The following DDX4 variants were observed in gnomAD, a reference collection of about 807,000 sequenced individuals.
The protein encoded by DDX4 is DEAD-box helicase 4, also known as probable ATP-dependent RNA helicase DDX4.
Under a neutral mutation model 100.0 loss-of-function variants are expected in DDX4, and 25 were observed. The ratio of observed to expected loss-of-function variants is 0.25; its 90% CI spans 0.18 to 0.35. The LOEUF (loss-of-function observed/expected upper bound fraction) is 0.35, where lower values mean the gene tolerates loss of function less well. Ranked by LOEUF, DDX4 falls within the 10% of genes least tolerant of loss-of-function variation. The pLI, the probability that DDX4 is intolerant of heterozygous loss-of-function variation, is 1.00. For missense variants in DDX4, 635 were observed against 882.4 expected, an observed-to-expected ratio of 0.72 and a Z score of 3.55; for synonymous variants, 259 against 275.7, an observed-to-expected ratio of 0.94 and a Z score of 0.60.
chr5:55,804,698 C>G (rs1453662254), intron 18 of DDX4, among the ~76,000 whole-genome samples: 2 of 152,044 alleles, frequency 1.3e-5, no homozygotes, highest in African/African-American at 2.4e-5. Flanking sequence ...GTTTTGGTAC[C>G]AGTACCATGC....
chr5:55,739,832 A>C lies in DDX4; in HGVS notation c.69+800A>C, dbSNP rs141201480. Reference sequence around the variant, plus strand: ...TGTGAAGTTTATATTAAAATACCCAAAATACTAATATAAATTTATCATGTT... The same window carrying C: ...TGTGAAGTTTATATTAAAATACCCACAATACTAATATAAATTTATCATGTT... On this transcript the variant is annotated intron_variant, in intron 2 of 21. Transcript: ENST00000505374. Among the ~76,000 whole-genome samples, 225 of 152,286 alleles carry C rather than the reference A, an allele frequency of 1.5e-3. No individual in the cohort carries two copies. In the East Asian group the frequency reaches 0.024, roughly 16 times the overall value.
intron 18 of DDX4, among the ~76,000 whole-genome samples, chr5:55,810,860 G>T (rs144389972): frequency 5.9e-5 from 9 of 152,240 alleles, no homozygotes. Context: ...TGTAGGATTC[G>T]TGGGTATCAG....
chr5:55,793,322 C>T (rs748289483), intron 17 of DDX4, among the ~76,000 whole-genome samples: 1 of 152,090 alleles, frequency 6.6e-6, no homozygotes, highest in South Asian at 2.1e-4. Flanking sequence ...AGCCCCTTGT[C>T]TCAAGGAGCC....
intron 14 of DDX4, 31 bp from the exon 15 acceptor site, chr5:55,787,815 A>G (rs762992736): frequency 1.2e-6 from 2 of 1,606,236 alleles, no homozygotes; most frequent in Admixed American, 3.4e-5. Context: ...GTTGTGCTAT[A>G]AGTTTGTAAA....
At chr5:55,783,476 CA>C (rs1299813629) in intron 10 of DDX4, among the ~76,000 whole-genome samples, 1 of 151,934 alleles carries the variant, frequency 6.6e-6, no homozygotes, top group African/African-American at 2.4e-5. Flanking sequence ...ATCTAAAAAC[CA>C]GAAAGGTAAT....
chr5:55,814,609 G>T (rs933227885), intron 19 of DDX4, among the ~76,000 whole-genome samples: 1 of 151,934 alleles, frequency 6.6e-6, no homozygotes, highest in South Asian at 2.1e-4. Flanking sequence ...TCCTACTTCA[G>T]CCTCCCTAGT....
intron 7 of DDX4, among the ~76,000 whole-genome samples, chr5:55,772,131 A>T (rs1183584437): frequency 6.6e-6 from 1 of 152,196 alleles, no homozygotes; most frequent in Non-Finnish European, 1.5e-5. Context: ...GAATCGCTTG[A>T]ACCTGGGAGG....
intron 6 of DDX4, 133 bp downstream of exon 6, chr5:55,764,197 C>A: frequency 1.5e-6 from 1 of 662,690 alleles, no homozygotes. Flanking sequence ...TAGCTATATC[C>A]AAAGCCTTAA....
At position 55,764,078 on chromosome 5, in the gene DDX4, T is replaced by A. The variant is rs1369806173; in HGVS notation, c.334+14T>A. 1 of 1,594,660 alleles carries A rather than the reference T, an allele frequency of 6.3e-7. No individual in the cohort carries two copies. The highest frequency in any genetic ancestry group is 1.3e-5 in the African/African-American group (1 of 74,450). The stretch of plus-strand genomic sequence containing the variant: ...GTTTCTGGAGAGGTAAGGTTGATAT[T>A]TTTGTGTTTTAAAATTTAATGTCAA... On this transcript the variant is annotated intron_variant, in intron 6 of 21. Coordinates refer to ENST00000505374, the MANE Select transcript of DDX4 (RefSeq NM_024415.3).
rs1005728572 is a variant in DDX4 at position 55,753,253 on chromosome 5, A to G, written c.128-6947A>G. On this transcript the variant is annotated intron_variant, in intron 3 of 21. Coordinates refer to ENST00000505374, the MANE Select transcript of DDX4 (RefSeq NM_024415.3). ...CCCTATGAAGTCCTTGCCCATGCCT[A>G]TGTCCTGAATGGTAATGCCTAGATT... Among the ~76,000 whole-genome samples the G allele has an allele frequency of 5.3e-5, 8 of 152,264 alleles. 1 individual carries two copies. The highest frequency in any genetic ancestry group is 7.2e-5 in the African/African-American group (3 of 41,574).
At chr5:55,803,725 A>G (rs1365043968) in intron 18 of DDX4, among the ~76,000 whole-genome samples, 3 of 151,958 alleles carry the variant, frequency 2.0e-5, no homozygotes, top group South Asian at 2.1e-4. Context: ...CCAGTCTATC[A>G]TTGTTGGACA....
In DDX4 at chr5:55,744,778, G is replaced by A. The variant is rs565991051; in HGVS notation, c.70-1386G>A. Among the ~76,000 whole-genome samples the A allele has an allele frequency of 1.8e-3, 279 of 152,316 alleles. 1 individual carries two copies. Among genetic ancestry groups the A allele is most frequent in the Non-Finnish European group, 1.4e-3 (97 of 68,028 alleles). Reference sequence around the variant, plus strand: ...TGAATATTCTGATGCTACAGCTGAGGATATACCTTTTCATTGTAGTTGTAG... The same window carrying A: ...TGAATATTCTGATGCTACAGCTGAGAATATACCTTTTCATTGTAGTTGTAG... On this transcript the variant is annotated intron_variant, in intron 2 of 21. Coordinates refer to ENST00000505374, the MANE Select transcript of DDX4 (RefSeq NM_024415.3).
chr5:55,780,211 A>G, intron 8 of DDX4, 146 bp downstream of exon 8: 4 of 1,267,386 alleles, frequency 3.2e-6, no homozygotes, highest in Middle Eastern at 2.5e-4. Flanking sequence ...ACCACATTGT[A>G]TATAACATTA....
chr5:55,765,403 AAAAAAAAAAAAT>A (rs1051861904), intron 6 of DDX4, among the ~76,000 whole-genome samples: 4 of 101,272 alleles, frequency 3.9e-5, no homozygotes, highest in African/African-American at 1.6e-4. Flanking sequence ...CCTAAAAAAA[AAAAAAAAAAAAT>A]ATATATATAT....
chr5:55,785,595 G>T (rs561338824), intron 12 of DDX4, 101 bp downstream of exon 12: 41 of 1,307,044 alleles, frequency 3.1e-5, no homozygotes, highest in Non-Finnish European at 4.1e-5. Flanking sequence ...AATTTGAACA[G>T]TGAAAACTTT....
intron 6 of DDX4, 132 bp downstream of exon 6, chr5:55,764,196 C>T: frequency 1.5e-6 from 1 of 665,824 alleles, no homozygotes; most frequent in South Asian, 1.9e-5. Flanking sequence ...GTAGCTATAT[C>T]CAAAGCCTTA....
At position 55,764,109 on chromosome 5, in the gene DDX4, C is replaced by T. The variant is rs543553153; in HGVS notation, c.334+45C>T. ...GTTTTAAAATTTAATGTCAAGAGTA[C>T]ATGCTAAAAAAGAGAAATTAAGATT... On this transcript the variant is annotated intron_variant, in intron 6 of 21. Coordinates refer to ENST00000505374, the MANE Select transcript of DDX4 (RefSeq NM_024415.3). 2.4e-5 allele frequency: 33 copies of T among 1,371,982 alleles called. 1 individual carries two copies. The South Asian group carries it at 3.2e-4, about 13-fold the overall frequency. The allele number at this position is 1,371,982 out of a possible 1,614,324, so 85.0% of individuals were successfully genotyped here.
At chr5:55,760,050 A>ATTTTT in intron 3 of DDX4, 150 bp from the exon 4 acceptor site, 1 of 479,906 alleles carries the variant, frequency 2.1e-6, no homozygotes, top group Non-Finnish European at 3.4e-6. Flanking sequence ...TCATGTAGCC[A>ATTTTT]TTTTTTTTTT....
chr5:55,787,312 G>A (rs758640323), intron 14 of DDX4, among the ~76,000 whole-genome samples: 2 of 152,088 alleles, frequency 1.3e-5, no homozygotes, highest in East Asian at 1.9e-4. Flanking sequence ...TTTTGGAGGT[G>A]GATTTTAGCA....
Sources: gnomAD v4.1 joint callset for allele counts (sites outside exome capture counted in the v4.1 genomes callset) on GRCh38, gnomAD v4.1.1 for gene constraint, MANE v1.5 for transcripts, NCBI Gene and HGNC (gene_info 2026-07-23, HGNC 2026-07-21) for gene names.